The following PRKACB variants were observed in gnomAD, a reference collection of about 807,000 sequenced individuals.
The protein encoded by PRKACB is protein kinase cAMP-activated catalytic subunit beta, also known as cAMP-dependent protein kinase catalytic subunit beta.
PRKACB carries 16 observed loss-of-function variants against 51.4 expected under a neutral mutation model. That is an observed-to-expected ratio of 0.31 (90% CI 0.21 to 0.47). PRKACB has a LOEUF of 0.47. Ranked by LOEUF, PRKACB falls within the 20% of genes least tolerant of loss-of-function variation. PRKACB has a pLI of 1.00. For synonymous variants in PRKACB, 147 were observed against 154.4 expected, an observed-to-expected ratio of 0.95 and a Z score of 0.35; for missense variants, 309 against 464.5, an observed-to-expected ratio of 0.67 and a Z score of 3.08.
upstream of PRKACB, among the ~76,000 whole-genome samples, chr1:84,141,102 A>T (rs1167603403): frequency 6.6e-6 from 1 of 152,044 alleles, no homozygotes; most frequent in Non-Finnish European, 1.5e-5. Flanking sequence ...AACTCTGAAA[A>T]TTTCTATAAT....
At chr1:84,121,037 C>T (rs1047558960) in intron 1 of PRKACB, among the ~76,000 whole-genome samples, 16 of 151,990 alleles carry the variant, frequency 1.1e-4, no homozygotes, top group African/African-American at 3.1e-4. Flanking sequence ...CTAGCTATCA[C>T]GAGTTTTATG....
At chr1:84,154,559 C>G (rs946874372) in intron 1 of PRKACB, among the ~76,000 whole-genome samples, 1 of 152,076 alleles carries the variant, frequency 6.6e-6, no homozygotes, top group African/African-American at 2.4e-5. Context: ...CTTCCAAGCT[C>G]ATTTACCAGG....
intron 9 of PRKACB, among the ~76,000 whole-genome samples, chr1:84,230,416 G>A (rs1675427193): frequency 6.6e-6 from 1 of 152,130 alleles, no homozygotes; most frequent in Admixed American, 6.5e-5. Flanking sequence ...GGCGATGCGG[G>A]CTCTTTTTTG....
intron 9 of PRKACB, among the ~76,000 whole-genome samples, chr1:84,219,375 CA>C (rs1377490228): frequency 6.6e-6 from 1 of 151,886 alleles, no homozygotes; most frequent in African/African-American, 2.4e-5. Flanking sequence ...CAGGTGCCCA[CA>C]ACCACACCCA....
rs1000200159 is a variant in PRKACB at position 84,236,058 on chromosome 1, G to T, written c.*753G>T. The T allele has an allele frequency of 6.6e-6, 1 of 152,548 alleles. No homozygotes were observed. Among genetic ancestry groups the T allele is most frequent in the African/African-American group, 2.4e-5 (1 of 41,414 alleles). The allele number at this position is 152,548 out of a possible 1,614,324, so 9.4% of individuals were successfully genotyped here. On this transcript the variant is annotated 3_prime_UTR_variant, in exon 10 of 10. Transcript: ENST00000370685. ...ATTCAGCAGGAAAAACTAATGATAT[G>T]GATCATCACCCAGATTCTCTCACTT...
At chr1:84,082,070 A>T (rs1452772015) in intron 1 of PRKACB, among the ~76,000 whole-genome samples, 1 of 152,318 alleles carries the variant, frequency 6.6e-6, no homozygotes, top group East Asian at 1.9e-4. Flanking sequence ...ATAAACTTTT[A>T]CTTACTCTTT....
intron 8 of PRKACB, among the ~76,000 whole-genome samples, chr1:84,208,356 A>G (rs116090823): frequency 0.016 from 2,411 of 152,380 alleles, 64 homozygotes; most frequent in African/African-American, 0.055. Context: ...AGTGAATTTT[A>G]TAGTTCGTTT....
At position 84,144,425 on chromosome 1, in the gene PRKACB, T is replaced by C. The variant is rs751717615; in HGVS notation, c.64T>C (p.Leu22=). 53 of 1,613,086 alleles carry C rather than the reference T, an allele frequency of 3.3e-5. No individual in the cohort carries two copies. The highest frequency in any genetic ancestry group is 2.5e-4 in the African/African-American group (19 of 74,836). The stretch of plus-strand genomic sequence containing the variant: ...AGGTACAACTACAGCTCTTCAGAAA[T>C]TGGAAGGTTTTGCTAGCCGGTTATT... ...YTGTTTALQK[L]EGFASRLFHR... The change falls in exon 1 of 10, where the codon TTG becomes CTG. Residue 22 remains leucine (L), a synonymous_variant. Transcript: ENST00000370685.
chr1:84,200,492 A>G (rs1444820215), intron 7 of PRKACB, among the ~76,000 whole-genome samples: 1 of 152,102 alleles, frequency 6.6e-6, no homozygotes, highest in Non-Finnish European at 1.5e-5. Flanking sequence ...GTTTAATTAG[A>G]TCCCACTTGA....
At chr1:84,204,944 A>G (rs1671098574) in intron 8 of PRKACB, 1 of 975,914 alleles carries the variant, frequency 1.0e-6, no homozygotes, top group African/African-American at 1.8e-5. Flanking sequence ...TTTTATATCA[A>G]ACTTTAAAAT....
chr1:84,164,248 G>A, intron 1 of PRKACB: 1 of 1,439,270 alleles, frequency 6.9e-7, no homozygotes, highest in Non-Finnish European at 9.2e-7. Flanking sequence ...CATGAAAAAT[G>A]AAAGCTATCA....
intron 1 of PRKACB, among the ~76,000 whole-genome samples, chr1:84,151,628 T>C (rs993730599): frequency 6.6e-6 from 1 of 152,236 alleles, no homozygotes; most frequent in Non-Finnish European, 1.5e-5. Flanking sequence ...TCAGGTGTCA[T>C]TTCAATAATC....
In PRKACB at chr1:84,185,106, T is replaced by A. The variant is rs940964374; in HGVS notation, c.484T>A (p.Ser162Thr). 2.0e-5 allele frequency: 29 copies of A among 1,475,966 alleles called. No homozygotes were observed. Among genetic ancestry groups the A allele is most frequent in the African/African-American group, 3.0e-5 (2 of 67,296 alleles). 91.4% of individuals were successfully genotyped at this position (1,475,966 alleles called of 1,614,324 possible). A position where few individuals can be genotyped will look rare whatever the true frequency, so the allele number is the denominator to read the frequency against. Reference protein sequence around the residue: ...VRLEYAFKDNSNLYMVMEYVP... With the variant: ...VRLEYAFKDNTNLYMVMEYVP... ...CCTTTTTATTTGTTCATAGGATAAT[T>A]CTAATTTATACATGGTTATGGAATA... Residue 162 changes from serine (S) to threonine (T), a missense_variant, in exon 5 of 10, where the codon TCT becomes ACT. Ser to Thr is a moderately conservative substitution (Grantham distance 58). Coordinates refer to ENST00000370685, the MANE Select transcript of PRKACB (RefSeq NM_182948.4).
intron 6 of PRKACB, among the ~76,000 whole-genome samples, chr1:84,197,211 A>G (rs572615369): frequency 1.8e-4 from 27 of 152,274 alleles, no homozygotes; most frequent in African/African-American, 6.5e-4. Flanking sequence ...CGACTACAAT[A>G]TAACTGCCAA....
At chr1:84,160,765 A>G (rs1468104733) in intron 1 of PRKACB, among the ~76,000 whole-genome samples, 1 of 151,412 alleles carries the variant, frequency 6.6e-6, no homozygotes, top group Non-Finnish European at 1.5e-5. Context: ...GTGATTTAAT[A>G]TCTAAATATT....
intron 9 of PRKACB, among the ~76,000 whole-genome samples, chr1:84,220,605 AATGCCTCTTCT>A (rs1553188223): frequency 6.6e-6 from 1 of 152,052 alleles, no homozygotes; most frequent in Non-Finnish European, 1.5e-5. Flanking sequence ...TATGTTGAGT[AATGCCTCTTCT>A]ATGCCTAATT....
At chr1:84,180,186 A>ATATATATATATATATATATATATATATC (rs1662845414) in intron 2 of PRKACB, among the ~76,000 whole-genome samples, 1 of 96,568 alleles carries the variant, frequency 1.0e-5, no homozygotes, top group Non-Finnish European at 2.3e-5. Context: ...AAACTGTGAT[A>ATATATATATATATATATATATATATATC]TATATATATA....
chr1:84,091,104 C>T (rs1471009549), intron 1 of PRKACB, among the ~76,000 whole-genome samples: 1 of 152,084 alleles, frequency 6.6e-6, no homozygotes, highest in African/African-American at 2.4e-5. Context: ...GTGAACTGGC[C>T]TGTGATTTAC....
chr1:84,109,673 A>G (rs947490011), intron 1 of PRKACB, among the ~76,000 whole-genome samples: 3 of 151,886 alleles, frequency 2.0e-5, no homozygotes, highest in Non-Finnish European at 4.4e-5. Context: ...AATTTTTGCA[A>G]CTTCATCCAG....
Sources: allele counts gnomAD v4.1 joint callset (sites outside exome capture counted in the v4.1 genomes callset), GRCh38; gene constraint gnomAD v4.1.1; transcripts MANE v1.5; gene names NCBI Gene and HGNC (gene_info 2026-07-23, HGNC 2026-07-21).